GMDS: variants seen among roughly 807,000 people sequenced by gnomAD.
GMDS encodes the protein GDP-mannose 4,6 dehydratase.
GMDS carries 20 observed loss-of-function variants against 49.9 expected under a neutral mutation model. The observed-to-expected ratio is 0.40, with a 90% CI of 0.28 to 0.58. The LOEUF (loss-of-function observed/expected upper bound fraction) is 0.58. Among genes scored for constraint, GMDS ranks in the 20% least tolerant of loss-of-function variants. The probability of loss-of-function intolerance (pLI) is 0.42; values close to 1 mark genes in which losing one functional copy is unlikely to be tolerated. For missense variants in GMDS, 362 were observed against 481.4 expected, an observed-to-expected ratio of 0.75 and a Z score of 2.32; for synonymous variants, 177 against 178.6, an observed-to-expected ratio of 0.99 and a Z score of 0.07.
rs1385564919 is a variant in GMDS at position 2,193,509 on chromosome 6, A to G, written c.102+51812T>C. Among the ~76,000 whole-genome samples the G allele has an allele frequency of 2.0e-5, 3 of 152,042 alleles. No homozygotes were observed. The Admixed American group carries it at 2.0e-4, about 10-fold the overall frequency. ...ACACCCTAGGCAGCAGGGTCTCCAC[A>G]TCTGAATACTGAGATGCAAGTTCTC... is the stretch of plus-strand genomic sequence containing the variant. On this transcript the variant is annotated intron_variant, in intron 1 of 10. Coordinates refer to ENST00000380815, the MANE Select transcript of GMDS (RefSeq NM_001500.4).
chr6:1,739,390 C>A (rs765878948), intron 8 of GMDS, among the ~76,000 whole-genome samples: 3 of 152,228 alleles, frequency 2.0e-5, no homozygotes, highest in Non-Finnish European at 4.4e-5. Context: ...CCACTCCCTG[C>A]GTGCCGCGGT....
intron 1 of GMDS, among the ~76,000 whole-genome samples, chr6:2,172,909 T>C (rs1169378190): frequency 6.6e-6 from 1 of 152,166 alleles, no homozygotes; most frequent in African/African-American, 2.4e-5. Flanking sequence ...ATATCTTCCT[T>C]CTACAGCATT....
intron 7 of GMDS, among the ~76,000 whole-genome samples, chr6:1,771,517 T>A (rs183354411): frequency 6.6e-6 from 1 of 152,310 alleles, no homozygotes; most frequent in African/African-American, 2.4e-5. Flanking sequence ...AGTGAGTCAA[T>A]ACAATGGTGG....
rs1767974806 is a variant in GMDS at position 2,017,424 on chromosome 6, T to C, written c.346-56458A>G. Among the ~76,000 whole-genome samples the C allele has an allele frequency of 3.9e-5, 6 of 152,214 alleles. No homozygotes were observed. The South Asian group carries it at 1.2e-3, about 32-fold the overall frequency. On this transcript the variant is annotated intron_variant, in intron 4 of 10. Transcript: ENST00000380815. ...CCTGGGTTCCAGCAATTCTCCTGCC[T>C]CAGCCTCCTGAGTAACTGGGATTAC...
intron 8 of GMDS, among the ~76,000 whole-genome samples, chr6:1,738,837 C>T (rs1162123589): frequency 1.3e-5 from 2 of 152,228 alleles, no homozygotes; most frequent in Non-Finnish European, 2.9e-5. Context: ...AGATCCTCCT[C>T]ATCCTTAGCT....
intron 1 of GMDS, among the ~76,000 whole-genome samples, chr6:2,155,669 T>C (rs1691298312): frequency 6.6e-6 from 1 of 152,158 alleles, no homozygotes; most frequent in Non-Finnish European, 1.5e-5. Context: ...AGTTGCGTAT[T>C]AATGGAGCAC....
rs983206780 is a variant in GMDS at position 1,794,875 on chromosome 6, T to C, written c.772-52289A>G. ...GTGAGCCACTGCACCTGGACGATGATATCCTAAGTAATCTAAAATGAGGCT... is the reference window on the plus strand; with the variant it reads ...GTGAGCCACTGCACCTGGACGATGACATCCTAAGTAATCTAAAATGAGGCT... On this transcript the variant is annotated intron_variant, in intron 7 of 10. Transcript: ENST00000380815. Among the ~76,000 whole-genome samples, 10 of 152,222 alleles carry C rather than the reference T, an allele frequency of 6.6e-5. 1 individual carries two copies. Among genetic ancestry groups the C allele is most frequent in the Admixed American group, 5.2e-4 (8 of 15,298 alleles).
chr6:1,808,324 A>G (rs1484292685), intron 7 of GMDS, among the ~76,000 whole-genome samples: 5 of 152,176 alleles, frequency 3.3e-5, no homozygotes, highest in Admixed American at 1.3e-4. Flanking sequence ...GTAGTCCTGA[A>G]GGTCACGTAA....
intron 7 of GMDS, among the ~76,000 whole-genome samples, chr6:1,883,870 A>G (rs909350726): frequency 6.6e-5 from 10 of 152,210 alleles, no homozygotes; most frequent in African/African-American, 2.4e-4. Context: ...AAGGGCATAA[A>G]CTCAAACACA....
chr6:2,064,576 C>G (rs973232243), intron 4 of GMDS, among the ~76,000 whole-genome samples: 4 of 152,068 alleles, frequency 2.6e-5, no homozygotes, highest in African/African-American at 9.7e-5. Flanking sequence ...ACCTCCTCCC[C>G]GATTCCCTAC....
At chr6:1,885,820 T>A (rs1314969880) in intron 7 of GMDS, among the ~76,000 whole-genome samples, 1 of 152,186 alleles carries the variant, frequency 6.6e-6, no homozygotes, top group Non-Finnish European at 1.5e-5. Context: ...CCATGCTGCA[T>A]CCAGCCGCAG....
intron 4 of GMDS, among the ~76,000 whole-genome samples, chr6:2,103,889 G>C (rs1774066407): frequency 6.6e-6 from 1 of 152,210 alleles, no homozygotes. Context: ...GCATTCTTAA[G>C]CAATATATTT....
intron 7 of GMDS, among the ~76,000 whole-genome samples, chr6:1,907,744 G>A (rs1760846638): frequency 6.6e-6 from 1 of 152,176 alleles, no homozygotes; most frequent in Non-Finnish European, 1.5e-5. Context: ...TTTTACAAAA[G>A]CACAGAATTT....
At chr6:2,152,215 T>C (rs1776877565) in intron 1 of GMDS, among the ~76,000 whole-genome samples, 1 of 152,174 alleles carries the variant, frequency 6.6e-6, no homozygotes, top group Non-Finnish European at 1.5e-5. Flanking sequence ...AACTCAAGAC[T>C]ACCTTTCTGA....
At chr6:1,968,266 T>C (rs1764379215) in intron 4 of GMDS, among the ~76,000 whole-genome samples, 1 of 152,216 alleles carries the variant, frequency 6.6e-6, no homozygotes, top group African/African-American at 2.4e-5. Context: ...TATTAGATGA[T>C]TACAAGAGAA....
At chr6:2,234,464 CT>C (rs1394693556) in intron 1 of GMDS, among the ~76,000 whole-genome samples, 1 of 151,962 alleles carries the variant, frequency 6.6e-6, no homozygotes, top group Non-Finnish European at 1.5e-5. Context: ...AAAAAATTAG[CT>C]GGGCATGGTA....
At chr6:2,096,856 G>A (rs571830844) in intron 4 of GMDS, among the ~76,000 whole-genome samples, 288 of 152,246 alleles carry the variant, frequency 1.9e-3, no homozygotes, top group African/African-American at 6.9e-3. Flanking sequence ...TTTTAGTTGT[G>A]TGTACGTATA....
intron 9 of GMDS, among the ~76,000 whole-genome samples, chr6:1,634,834 T>C (rs1232479651): frequency 6.6e-6 from 1 of 151,894 alleles, no homozygotes; most frequent in Non-Finnish European, 1.5e-5. Context: ...GGAGGGGACA[T>C]AGCGACGGAA....
At position 1,942,654 on chromosome 6, in the gene GMDS, AG is replaced by A. The variant is rs534892261; in HGVS notation, c.644-12425del. Reference sequence around the variant, plus strand: ...TAGAAAAAACTGGACTGAAAAGATGAGGCCAAGACAGAAAGAAAAATGGAGA... The same window carrying A: ...TAGAAAAAACTGGACTGAAAAGATGAGCCAAGACAGAAAGAAAAATGGAGA... On this transcript the variant is annotated intron_variant, in intron 6 of 10. Coordinates refer to ENST00000380815, the MANE Select transcript of GMDS (RefSeq NM_001500.4). 4.6e-5 allele frequency among the ~76,000 whole-genome samples: 7 copies of A among 152,354 alleles called. No homozygotes were observed. In the East Asian group the frequency reaches 1.3e-3, roughly 29 times the overall value.
Sources: allele counts gnomAD v4.1 joint callset (sites outside exome capture counted in the v4.1 genomes callset), GRCh38; gene constraint gnomAD v4.1.1; transcripts MANE v1.5; gene names NCBI Gene and HGNC (gene_info 2026-07-23, HGNC 2026-07-21).